The following MCCC1 variants were observed in gnomAD, a reference collection of about 807,000 sequenced individuals.
MCCC1 encodes the protein methylcrotonoyl-CoA carboxylase subunit alpha, mitochondrial.
MCCC1 carries 64 observed loss-of-function variants against 83.8 expected under a neutral mutation model. The ratio of observed to expected loss-of-function variants is 0.76; its 90% confidence interval spans 0.62 to 0.94. The LOEUF is 0.94. MCCC1 is among the 40% of genes least tolerant of loss of function. The probability of loss-of-function intolerance (pLI) is 0.00; values close to 1 mark genes in which losing one functional copy is unlikely to be tolerated. For missense variants in MCCC1, 807 were observed against 904.7 expected (o/e 0.89, Z 1.39); for synonymous variants, 322 against 315.4 (o/e 1.02, Z -0.22).
At chr3:183,077,158 G>T (rs1290851026) in intron 4 of MCCC1, among the ~76,000 whole-genome samples, 1 of 152,120 alleles carries the variant, frequency 6.6e-6, no homozygotes, top group African/African-American at 2.4e-5. Flanking sequence ...CATTTGCATT[G>T]TTCCTACTTT....
upstream of MCCC1, among the ~76,000 whole-genome samples, chr3:183,104,338 G>A (rs982066938): frequency 6.6e-6 from 1 of 152,094 alleles, no homozygotes; most frequent in Admixed American, 6.5e-5. Flanking sequence ...AAGCTGTCTC[G>A]AACTCCTGAC....
chr3:183,096,343 A>T (rs4859275), intron 1 of MCCC1, among the ~76,000 whole-genome samples: 79,743 of 151,814 alleles, frequency 0.53, 22,822 homozygotes, highest in Non-Finnish European at 0.65. Flanking sequence ...CTCAAAAAAA[A>T]AAATAAATAA....
upstream of MCCC1, among the ~76,000 whole-genome samples, chr3:183,104,188 G>T (rs1719370647): frequency 6.6e-6 from 1 of 152,252 alleles, no homozygotes. Context: ...CTAGAAAGGG[G>T]CTCCCACAGT....
chr3:183,032,367 A>G (rs369672098), intron 14 of MCCC1, among the ~76,000 whole-genome samples: 57 of 152,236 alleles, frequency 3.7e-4, no homozygotes, highest in African/African-American at 1.4e-3. Flanking sequence ...GTCTAGAATA[A>G]GATACTTCCA....
chr3:183,094,161 G>C (rs1211577047), intron 2 of MCCC1, among the ~76,000 whole-genome samples: 1 of 149,622 alleles, frequency 6.7e-6, no homozygotes, highest in East Asian at 2.0e-4. Context: ...CAATTCTCCT[G>C]CCTCAGCCTC....
chr3:183,082,441 C>T (rs1267417923), intron 4 of MCCC1, among the ~76,000 whole-genome samples: 1 of 152,200 alleles, frequency 6.6e-6, no homozygotes, highest in Admixed American at 6.5e-5. Flanking sequence ...CACATTTGCC[C>T]TAAGTGTACA....
Position 183,037,451 on chromosome 3 carries a change from C to G in MCCC1, c.1378-17G>C, listed in dbSNP as rs770328896. 1.9e-6 allele frequency: 3 copies of G among 1,590,900 alleles called. No individual in the cohort carries two copies. In the South Asian group the frequency reaches 3.3e-5, roughly 18 times the overall value. On this transcript the variant is annotated splice_polypyrimidine_tract_variant and intron_variant, in intron 12 of 18. Transcript: ENST00000265594. ...TCCAACAATCTAGGAAGAGAATAAA[C>G]CCCCAGTTCCTGCTGAGTGGGGAAA...
At chr3:183,098,251 T>C (rs935368532) in intron 1 of MCCC1, among the ~76,000 whole-genome samples, 1 of 152,208 alleles carries the variant, frequency 6.6e-6, no homozygotes, top group Non-Finnish European at 1.5e-5. Flanking sequence ...CTTTCTTATG[T>C]TTCTCTGGGG....
intron 16 of MCCC1, among the ~76,000 whole-genome samples, chr3:183,020,744 G>A (rs1478005710): frequency 2.6e-5 from 4 of 152,044 alleles, no homozygotes; most frequent in African/African-American, 9.7e-5. Context: ...AAGGCGTAAC[G>A]GTATACATGC....
At chr3:183,112,948 G>A (rs1466307520) in intron 1 of MCCC1, among the ~76,000 whole-genome samples, 3 of 151,860 alleles carry the variant, frequency 2.0e-5, no homozygotes, top group South Asian at 2.1e-4. Context: ...AAAATTGGCC[G>A]GGCACGGTGG....
intron 7 of MCCC1, among the ~76,000 whole-genome samples, chr3:183,061,218 G>T (rs1252629822): frequency 1.3e-5 from 2 of 152,118 alleles, no homozygotes; most frequent in African/African-American, 2.4e-5. Flanking sequence ...TCTTTTAGTG[G>T]TCCTGTGTTT....
At chr3:183,053,298 G>C (rs1715134949) in intron 8 of MCCC1, among the ~76,000 whole-genome samples, 1 of 151,846 alleles carries the variant, frequency 6.6e-6, no homozygotes, top group African/African-American at 2.4e-5. Context: ...TCAAACCATG[G>C]AGCAACATGG....
intron 1 of MCCC1, among the ~76,000 whole-genome samples, chr3:183,097,433 C>T (rs1718822727): frequency 6.6e-6 from 1 of 152,152 alleles, no homozygotes; most frequent in Non-Finnish European, 1.5e-5. Flanking sequence ...TGGGATGTCA[C>T]CCAGGATGGA....
At chr3:183,017,110 A>G in intron 18 of MCCC1, 156 bp downstream of exon 18, 1 of 695,636 alleles carries the variant, frequency 1.4e-6, no homozygotes, top group Non-Finnish European at 2.6e-6. Context: ...CTTTTCTACA[A>G]GAAGGATAGT....
chr3:183,076,918 A>G (rs1444041556), intron 4 of MCCC1, among the ~76,000 whole-genome samples: 1 of 152,220 alleles, frequency 6.6e-6, no homozygotes, highest in East Asian at 1.9e-4. Context: ...GCCCTAGGCA[A>G]CTGTGAATCT....
intron 7 of MCCC1, among the ~76,000 whole-genome samples, chr3:183,058,305 C>G (rs755774446): frequency 1.4e-4 from 21 of 151,986 alleles, no homozygotes; most frequent in Admixed American, 1.2e-3. Context: ...AATACATGAA[C>G]AATAAATCAT....
At chr3:183,084,693 G>T (rs1294302078) in intron 4 of MCCC1, among the ~76,000 whole-genome samples, 2 of 152,112 alleles carry the variant, frequency 1.3e-5, no homozygotes, top group African/African-American at 4.8e-5. Context: ...AGGCTGAGGT[G>T]GGAAGATCAC....
In MCCC1 at chr3:183,097,679, A is replaced by G. The variant is rs138913609; in HGVS notation, c.89+1673T>C. On this transcript the variant is annotated intron_variant, in intron 1 of 18. Transcript: ENST00000265594. Reference sequence around the variant, plus strand: ...ACAGTGCTGAGAAACTGCTGAAAATACAGGCATGAACCAAGTCTCCTGGCA... The same window carrying G: ...ACAGTGCTGAGAAACTGCTGAAAATGCAGGCATGAACCAAGTCTCCTGGCA... Among the ~76,000 whole-genome samples the G allele has an allele frequency of 2.8e-3, 422 of 152,290 alleles. 2 individuals carry two copies. Among genetic ancestry groups the G allele is most frequent in the Non-Finnish European group, 4.6e-3 (315 of 68,016 alleles).
At chr3:183,092,894 C>T (rs545238518) in intron 2 of MCCC1, among the ~76,000 whole-genome samples, 3 of 151,828 alleles carry the variant, frequency 2.0e-5, no homozygotes, top group South Asian at 2.1e-4. Context: ...TATTTATTTA[C>T]TTATTTATTT....
Sources: allele counts gnomAD v4.1 joint callset (sites outside exome capture counted in the v4.1 genomes callset), GRCh38; gene constraint gnomAD v4.1.1; transcripts MANE v1.5; gene names NCBI Gene and HGNC (gene_info 2026-07-23, HGNC 2026-07-21).